Variants in WNK1 observed in about 807,000 individuals in gnomAD.
WNK1 encodes serine/threonine-protein kinase WNK1.
Under a neutral mutation model 222.8 loss-of-function variants are expected in WNK1, and 38 were observed. The observed-to-expected ratio is 0.17, with a 90% CI of 0.13 to 0.22. WNK1 has a LOEUF of 0.22. Ranked by LOEUF, WNK1 falls within the 10% of genes least tolerant of loss-of-function variation. The probability of loss-of-function intolerance (pLI) is 1.00; values close to 1 mark genes in which losing one functional copy is unlikely to be tolerated. For missense variants in WNK1, 2,348 were observed against 2,918.4 expected, an observed-to-expected ratio of 0.80 and a Z score of 4.50; for synonymous variants, 1,090 against 1,092.9, an observed-to-expected ratio of 1.00 and a Z score of 0.05.
In WNK1 at chr12:880,956, T is replaced by G; in HGVS notation, c.3068T>G (p.Leu1023Ter). 6.2e-7 allele frequency: 1 copy of G among 1,614,180 alleles called. No individual in the cohort carries two copies. Among genetic ancestry groups the G allele is most frequent in the Non-Finnish European group, 8.5e-7 (1 of 1,180,024 alleles). ...CAAGTGTCCCAGCCAGGAGGGAGTT[T>G]AGCACAAGCCCCCACTACATCCTCC... ...QVQVSQPGGS[L>*]AQAPTTSSQQ... Residue 1023 changes from leucine (L) to a stop codon, truncating the protein, a stop_gained, in exon 12 of 28, where the codon TTA becomes TGA. Coordinates refer to ENST00000315939, the MANE Select transcript of WNK1 (RefSeq NM_018979.4). LOFTEE classifies it high-confidence loss of function.
At chr12:900,373 C>G (rs956715776) in intron 25 of WNK1, 103 bp from the exon 26 acceptor site, 2 of 1,248,872 alleles carry the variant, frequency 1.6e-6, no homozygotes, top group Non-Finnish European at 2.3e-6. Flanking sequence ...TTTGACCCAT[C>G]ATTCATCACT....
At position 764,634 on chromosome 12, in the gene WNK1, CAAAAAAAAAA is replaced by C. The variant is rs529312629; in HGVS notation, c.759+10321_759+10330del. 1.6e-3 allele frequency among the ~76,000 whole-genome samples: 78 copies of C among 50,160 alleles called. 6 individuals carry two copies. Among genetic ancestry groups the C allele is most frequent in the Non-Finnish European group, 1.9e-3 (54 of 27,842 alleles). The allele number at this position is 50,160 out of a possible 152,430, so 32.9% of individuals were successfully genotyped here. A position where few individuals can be genotyped will look rare whatever the true frequency, so the allele number is the denominator to read the frequency against. On this transcript the variant is annotated intron_variant, in intron 1 of 27. Coordinates refer to ENST00000315939, the MANE Select transcript of WNK1 (RefSeq NM_018979.4). Reference sequence around the variant, plus strand: ...CTGGGCAACGAGCGAAACTCCGTCTCAAAAAAAAAAAAAAAAAAAAGAAAGAAAAATCATT... The same window carrying C: ...CTGGGCAACGAGCGAAACTCCGTCTCAAAAAAAAAAGAAAGAAAAATCATT...
At chr12:890,166 C>T (rs1250970145) in intron 21 of WNK1, among the ~76,000 whole-genome samples, 14 of 151,752 alleles carry the variant, frequency 9.2e-5, no homozygotes, top group South Asian at 4.1e-4. Context: ...TTGGCCAGGC[C>T]GGTCTCGAAC....
At chr12:845,170 C>T (rs1018366822) in intron 4 of WNK1, among the ~76,000 whole-genome samples, 7 of 152,142 alleles carry the variant, frequency 4.6e-5, no homozygotes, top group Non-Finnish European at 7.4e-5. Flanking sequence ...GCTGGGATTA[C>T]AGGCGTGAGC....
intron 8 of WNK1, chr12:868,850 T>A (rs758511613): frequency 6.2e-7 from 1 of 1,613,724 alleles, no homozygotes; most frequent in South Asian, 1.1e-5. Flanking sequence ...CGGACAGAAC[T>A]GGCCAATAGG....
intron 1 of WNK1, among the ~76,000 whole-genome samples, chr12:784,224 A>G (rs1944035447): frequency 6.6e-6 from 1 of 152,184 alleles, no homozygotes; most frequent in Non-Finnish European, 1.5e-5. Flanking sequence ...TCCCATCTCT[A>G]AAGAAATTGT....
chr12:902,661 A>ATGT (rs1955363891), intron 26 of WNK1, among the ~76,000 whole-genome samples: 1 of 152,216 alleles, frequency 6.6e-6, no homozygotes, highest in Non-Finnish European at 1.5e-5. Flanking sequence ...AAGGCACAAT[A>ATGT]GCAAGTCACC....
intron 2 of WNK1, among the ~76,000 whole-genome samples, chr12:822,087 C>CTTTTTTTTT (rs376271992): frequency 1.5e-4 from 11 of 71,462 alleles, no homozygotes; most frequent in African/African-American, 2.1e-4. Flanking sequence ...TGTCTTATAC[C>CTTTTTTTTT]TTTTTTTTTT....
intron 26 of WNK1, among the ~76,000 whole-genome samples, chr12:902,862 A>G (rs983728881): frequency 6.6e-6 from 1 of 152,222 alleles, no homozygotes; most frequent in African/African-American, 2.4e-5. Context: ...TTTAAAACAA[A>G]CAAAAACATA....
At chr12:855,398 A>G (rs2154059308) in intron 4 of WNK1, among the ~76,000 whole-genome samples, 1 of 152,350 alleles carries the variant, frequency 6.6e-6, no homozygotes, top group African/African-American at 2.4e-5. Context: ...GGTCTTCGGA[A>G]TAATACAATG....
chr12:854,703 A>G (rs1390072959), intron 4 of WNK1, among the ~76,000 whole-genome samples: 1 of 152,182 alleles, frequency 6.6e-6, no homozygotes, highest in East Asian at 1.9e-4. Context: ...TTTATTGTAG[A>G]AAACTAAAAC....
chr12:827,463 A>G lies in WNK1; in HGVS notation c.1153+201A>G. The G allele has an allele frequency of 1.7e-6, 1 of 595,116 alleles. No individual in the cohort carries two copies. Among genetic ancestry groups the G allele is most frequent in the Non-Finnish European group, 3.0e-6 (1 of 333,962 alleles). The allele number at this position is 595,116 out of a possible 1,614,324, so 36.9% of individuals were successfully genotyped here. ...AATCATCTTAGAGACTATTGGTAAC[A>G]TTACGTTACAAGAAATAAAGTGAAC... On this transcript the variant is annotated intron_variant, in intron 3 of 27. Coordinates refer to ENST00000315939, the MANE Select transcript of WNK1 (RefSeq NM_018979.4). The surrounding 1 kb of genome is among the most constrained non-coding windows in gnomAD (Gnocchi z 4.6).
At chr12:889,802 G>A (rs1954037537) in intron 21 of WNK1, among the ~76,000 whole-genome samples, 1 of 152,170 alleles carries the variant, frequency 6.6e-6, no homozygotes, top group South Asian at 2.1e-4. Flanking sequence ...CTGTGTGACA[G>A]AGCGAGACTC....
chr12:787,169 TTC>T (rs1195671840), intron 1 of WNK1, among the ~76,000 whole-genome samples: 2 of 152,242 alleles, frequency 1.3e-5, no homozygotes, highest in Non-Finnish European at 2.9e-5. Flanking sequence ...ATAAAATTAT[TTC>T]TCTACTTTTA....
chr12:906,147 C>T (rs996390067), intron 26 of WNK1, among the ~76,000 whole-genome samples: 4 of 152,144 alleles, frequency 2.6e-5, no homozygotes, highest in Admixed American at 6.6e-5. Context: ...TACTTACCCC[C>T]GCATTACTTG....
chr12:867,290 A>C (rs1384874343), intron 8 of WNK1, among the ~76,000 whole-genome samples: 3 of 152,160 alleles, frequency 2.0e-5, no homozygotes, highest in African/African-American at 7.2e-5. Context: ...TCACTAGTCA[A>C]ATTATATATC....
At chr12:795,711 T>C (rs1477565074) in intron 1 of WNK1, among the ~76,000 whole-genome samples, 1 of 152,058 alleles carries the variant, frequency 6.6e-6, no homozygotes, top group Non-Finnish European at 1.5e-5. Flanking sequence ...GGAATTTCTT[T>C]CCATTTTATC....
At chr12:847,542 G>GT (rs1207637926) in intron 4 of WNK1, among the ~76,000 whole-genome samples, 1 of 152,156 alleles carries the variant, frequency 6.6e-6, no homozygotes, top group African/African-American at 2.4e-5. Context: ...AAAGATGTGG[G>GT]TGGAAGTTAA....
intron 26 of WNK1, chr12:900,901 C>T (rs1383603088): frequency 3.3e-6 from 2 of 600,416 alleles, no homozygotes; most frequent in East Asian, 3.1e-5. Context: ...TGAAAAGTTA[C>T]ATCTGTGTGG....
Sources: gnomAD v4.1 joint callset for allele counts (sites outside exome capture counted in the v4.1 genomes callset) on GRCh38, gnomAD v4.1.1 for gene constraint, Gnocchi (gnomAD v3.1) non-coding constraint, MANE v1.5 for transcripts, NCBI Gene and HGNC (gene_info 2026-07-23, HGNC 2026-07-21) for gene names.